TAFA1: variants seen among roughly 807,000 people sequenced by gnomAD.
The protein encoded by TAFA1 is TAFA chemokine like family member 1.
Under a neutral mutation model 18.5 loss-of-function variants are expected in TAFA1, and 4 were observed. The observed-to-expected ratio is 0.22, with a 90% CI of 0.11 to 0.49. The LOEUF is 0.49. Ranked by LOEUF, TAFA1 falls within the 20% of genes least tolerant of loss-of-function variation. TAFA1 has a pLI of 0.98. For missense variants in TAFA1, 147 were observed against 169.0 expected (o/e 0.87, Z 0.72); for synonymous variants, 56 against 55.2 (o/e 1.01, Z -0.06).
At chr3:68,062,041 T>C (rs2064609690) in intron 2 of TAFA1, among the ~76,000 whole-genome samples, 1 of 152,196 alleles carries the variant, frequency 6.6e-6, no homozygotes, top group Non-Finnish European at 1.5e-5. Flanking sequence ...AAGTATGTGG[T>C]ATTTTATTTT....
chr3:68,386,585 T>C (rs2070109472), intron 2 of TAFA1, among the ~76,000 whole-genome samples: 1 of 152,154 alleles, frequency 6.6e-6, no homozygotes, highest in South Asian at 2.1e-4. Context: ...TAGGTTTTTC[T>C]ACTACCATCT....
chr3:68,522,346 C>G (rs1027752533), intron 3 of TAFA1, among the ~76,000 whole-genome samples: 3 of 152,132 alleles, frequency 2.0e-5, no homozygotes, highest in African/African-American at 7.2e-5. Flanking sequence ...TCAAAAGTCT[C>G]TACTCGATGG....
intron 1 of TAFA1, among the ~76,000 whole-genome samples, chr3:68,005,144 G>T (rs1704335730): frequency 6.6e-6 from 1 of 152,078 alleles, no homozygotes; most frequent in African/African-American, 2.4e-5. Context: ...AGGGTATTCT[G>T]AAAAAGTCCC....
At chr3:68,234,098 C>T (rs2066901295) in intron 2 of TAFA1, among the ~76,000 whole-genome samples, 1 of 152,198 alleles carries the variant, frequency 6.6e-6, no homozygotes, top group Non-Finnish European at 1.5e-5. Context: ...TGGAAGAATA[C>T]ATACAGATTA....
At chr3:68,388,927 TAA>T (rs1274449332) in intron 2 of TAFA1, among the ~76,000 whole-genome samples, 1 of 152,232 alleles carries the variant, frequency 6.6e-6, no homozygotes, top group African/African-American at 2.4e-5. Flanking sequence ...CTTACAAGAT[TAA>T]GTTGTAATTT....
At chr3:68,016,662 T>C (rs908656137) in intron 2 of TAFA1, among the ~76,000 whole-genome samples, 3 of 152,156 alleles carry the variant, frequency 2.0e-5, no homozygotes, top group African/African-American at 7.2e-5. Context: ...AATCACCTAA[T>C]GATGTATTTC....
chr3:68,251,899 ATGT>A (rs1333720049), intron 2 of TAFA1, among the ~76,000 whole-genome samples: 1 of 152,202 alleles, frequency 6.6e-6, no homozygotes, highest in African/African-American at 2.4e-5. Context: ...ATCTAAAGGA[ATGT>A]TAACTAACTC....
chr3:68,274,489 G>A (rs1427780611), intron 2 of TAFA1, among the ~76,000 whole-genome samples: 1 of 152,164 alleles, frequency 6.6e-6, no homozygotes, highest in Admixed American at 6.5e-5. Flanking sequence ...ATCAATGTGA[G>A]CTTCACAGTG....
Position 68,431,467 on chromosome 3 carries a change from A to G in TAFA1, c.259+14047A>G, listed in dbSNP as rs145068672. ...TGATACCTAATCTTCATAACAATGC[A>G]TGAGATGGGTACTATTGTTATTATC... On this transcript the variant is annotated intron_variant, in intron 3 of 4. Coordinates refer to ENST00000478136, the MANE Select transcript of TAFA1 (RefSeq NM_213609.4). 5.9e-5 allele frequency among the ~76,000 whole-genome samples: 9 copies of G among 152,150 alleles called. No individual in the cohort carries two copies. In the East Asian group the frequency reaches 1.2e-3, roughly 20 times the overall value.
chr3:68,183,679 T>A (rs1165759549), intron 2 of TAFA1, among the ~76,000 whole-genome samples: 1 of 152,172 alleles, frequency 6.6e-6, no homozygotes, highest in Non-Finnish European at 1.5e-5. Flanking sequence ...ATTTAGGGAC[T>A]GTTCATTCTT....
chr3:68,537,248 A>C (rs1016538194), intron 3 of TAFA1, among the ~76,000 whole-genome samples: 3 of 152,202 alleles, frequency 2.0e-5, no homozygotes, highest in Admixed American at 1.3e-4. Flanking sequence ...TTGATGAAAA[A>C]TCAATGGGCA....
rs557708895 is a variant in TAFA1 at position 68,137,763 on chromosome 3, C to A, written c.118+131019C>A. ...CACAAGAGGCCTGTAAGGAAAGGCC[C>A]AGATAGGTCATCTTCACGTCTGGCT... On this transcript the variant is annotated intron_variant, in intron 2 of 4. Coordinates refer to ENST00000478136, the MANE Select transcript of TAFA1 (RefSeq NM_213609.4). Among the ~76,000 whole-genome samples, 13 of 152,258 alleles carry A rather than the reference C, an allele frequency of 8.5e-5. No individual in the cohort carries two copies. In the South Asian group the frequency reaches 2.3e-3, roughly 27 times the overall value.
chr3:68,442,261 G>T (rs1223792103), intron 3 of TAFA1, among the ~76,000 whole-genome samples: 2 of 152,268 alleles, frequency 1.3e-5, no homozygotes, highest in East Asian at 3.9e-4. Flanking sequence ...CATCTGGAGA[G>T]GGCTTTCTTG....
chr3:68,088,649 G>A (rs1359895917), intron 2 of TAFA1, among the ~76,000 whole-genome samples: 1 of 152,178 alleles, frequency 6.6e-6, no homozygotes, highest in Non-Finnish European at 1.5e-5. Context: ...TATGAATATT[G>A]ATTCCATCTG....
At chr3:68,524,901 G>A (rs572012430) in intron 3 of TAFA1, among the ~76,000 whole-genome samples, 2 of 152,204 alleles carry the variant, frequency 1.3e-5, no homozygotes, top group Admixed American at 1.3e-4. Flanking sequence ...TGGATCTCCC[G>A]ACCTCGTGAT....
At chr3:68,458,915 C>T (rs764020091) in intron 3 of TAFA1, among the ~76,000 whole-genome samples, 44 of 151,892 alleles carry the variant, frequency 2.9e-4, no homozygotes, top group African/African-American at 7.0e-4. Flanking sequence ...GATTTACTTT[C>T]GGGAGGTTTA....
Position 68,537,638 on chromosome 3 carries a change from T to A in TAFA1, c.260-1118T>A, listed in dbSNP as rs146388877. Among the ~76,000 whole-genome samples, 3 of 152,274 alleles carry A rather than the reference T, an allele frequency of 2.0e-5. No individual in the cohort carries two copies. In the East Asian group the frequency reaches 5.8e-4, roughly 29 times the overall value. ...TGGTTGTATCAGTGCAGATTTTCTT[T>A]ATAGATACAAATCTCCCCCATGAAA... On this transcript the variant is annotated intron_variant, in intron 3 of 4. Transcript: ENST00000478136.
At chr3:68,114,709 T>A (rs2065304513) in intron 2 of TAFA1, among the ~76,000 whole-genome samples, 1 of 152,232 alleles carries the variant, frequency 6.6e-6, no homozygotes, top group South Asian at 2.1e-4. Context: ...GACTAGCAAT[T>A]TCATATCTAG....
At chr3:68,099,239 G>A (rs777537260) in intron 2 of TAFA1, among the ~76,000 whole-genome samples, 1 of 151,966 alleles carries the variant, frequency 6.6e-6, no homozygotes, top group African/African-American at 2.4e-5. Flanking sequence ...AGGGGATAAA[G>A]TATTCACAAA....
Sources: allele counts gnomAD v4.1 joint callset (sites outside exome capture counted in the v4.1 genomes callset), GRCh38; gene constraint gnomAD v4.1.1; transcripts MANE v1.5; gene names NCBI Gene and HGNC (gene_info 2026-07-23, HGNC 2026-07-21).